Variants in CLEC2A observed in about 807,000 individuals in gnomAD.
CLEC2A encodes C-type lectin domain family 2 member A.
In CLEC2A, 19 loss-of-function variants were observed where a neutral mutation model predicts 18.6. That is an observed-to-expected ratio of 1.02 (90% confidence interval 0.71 to 1.50). CLEC2A has a LOEUF of 1.50. Ranked by LOEUF, CLEC2A falls within the 40% of genes most tolerant of loss-of-function variation. The pLI, the probability that CLEC2A is intolerant of heterozygous loss-of-function variation, is 0.00. For synonymous variants in CLEC2A, 74 were observed against 64.0 expected (o/e 1.16, Z -0.75); for missense variants, 190 against 207.9 (o/e 0.91, Z 0.53).
At chr12:9,902,584 C>A (rs7316203) in intron 4 of CLEC2A, among the ~76,000 whole-genome samples, 71,617 of 150,770 alleles carry the variant, frequency 0.48, 18,404 homozygotes, top group Non-Finnish European at 0.59. Context: ...GCAACCCGCT[C>A]GGGTCCCCTT....
Position 9,913,343 on chromosome 12 carries a change from G to T in CLEC2A, c.*223C>A. On this transcript the variant is annotated 3_prime_UTR_variant, in exon 5 of 5. Coordinates refer to ENST00000455827, the MANE Select transcript of CLEC2A (RefSeq NM_001130711.2). ...GAGGTGATTAGTTCATGAGGATGGA[G>T]CCATAGTAAATGTGATTGTGCCCTT... The T allele has an allele frequency of 1.7e-6, 1 of 605,632 alleles. No homozygotes were observed. The highest frequency in any genetic ancestry group is 2.6e-6 in the Non-Finnish European group (1 of 391,424). 37.5% of individuals were successfully genotyped at this position (605,632 alleles called of 1,614,324 possible). A position where few individuals can be genotyped will look rare whatever the true frequency, so the allele number is the denominator to read the frequency against.
At chr12:9,895,342 G>A (rs963598170), downstream of CLEC2A, among the ~76,000 whole-genome samples, 3 of 152,230 alleles carry the variant, frequency 2.0e-5, no homozygotes, top group Non-Finnish European at 4.4e-5. Flanking sequence ...AGATAAGGGA[G>A]AGATAATGGT....
downstream of CLEC2A, among the ~76,000 whole-genome samples, chr12:9,909,436 AG>A (rs1363975334): frequency 6.6e-6 from 1 of 152,220 alleles, no homozygotes; most frequent in African/African-American, 2.4e-5. Context: ...CCCTGAAAAC[AG>A]GATGCCCAGG....
chr12:9,902,613 G>A (rs1213407990), intron 4 of CLEC2A, among the ~76,000 whole-genome samples: 1 of 148,976 alleles, frequency 6.7e-6, no homozygotes, highest in Non-Finnish European at 1.5e-5. Flanking sequence ...TGGAAGCTTT[G>A]TTCTTTCGCT....
the CLEC2A span, among the ~76,000 whole-genome samples, chr12:9,890,858 T>C: frequency 6.6e-6 from 1 of 152,204 alleles, no homozygotes; most frequent in African/African-American, 2.4e-5. Flanking sequence ...ATGGGGTCAT[T>C]TTGGAATTCT....
the CLEC2A span, among the ~76,000 whole-genome samples, chr12:9,878,560 A>G: frequency 6.6e-6 from 1 of 152,238 alleles, no homozygotes; most frequent in Non-Finnish European, 1.5e-5. Flanking sequence ...TGGGAAAAAC[A>G]TTAAGATACA....
the CLEC2A span, among the ~76,000 whole-genome samples, chr12:9,886,333 TC>T: frequency 1.3e-5 from 2 of 151,434 alleles, no homozygotes; most frequent in East Asian, 3.9e-4. Context: ...CAATAATCTA[TC>T]CATAGAAGAA....
At chr12:9,878,170 GA>G in the CLEC2A span, among the ~76,000 whole-genome samples, 6 of 152,192 alleles carry the variant, frequency 3.9e-5, no homozygotes, top group East Asian at 1.9e-4. Flanking sequence ...ATGGGTGTGG[GA>G]AATTCTAAAT....
the CLEC2A span, among the ~76,000 whole-genome samples, chr12:9,891,547 T>G: frequency 6.6e-6 from 1 of 152,196 alleles, no homozygotes; most frequent in African/African-American, 2.4e-5. Flanking sequence ...CTAGTAATAG[T>G]TAATAAATAT....
At chr12:9,902,448 G>C (rs1424030659) in intron 4 of CLEC2A, among the ~76,000 whole-genome samples, 1 of 151,908 alleles carries the variant, frequency 6.6e-6, no homozygotes, top group Non-Finnish European at 1.5e-5. Flanking sequence ...GGCCAGGCTG[G>C]TCTTGAACTC....
chr12:9,908,448 C>T (rs1282780476), downstream of CLEC2A, among the ~76,000 whole-genome samples: 3 of 152,126 alleles, frequency 2.0e-5, no homozygotes, highest in African/African-American at 7.2e-5. Flanking sequence ...AATCCTTCTC[C>T]CTTTACCCCT....
At chr12:9,919,707 T>C (rs1863133019) in intron 3 of CLEC2A, among the ~76,000 whole-genome samples, 1 of 152,186 alleles carries the variant, frequency 6.6e-6, no homozygotes, top group Non-Finnish European at 1.5e-5. Flanking sequence ...TGCTGTGGTA[T>C]GCTGGTGGCC....
At chr12:9,913,046 T>C (rs1251871705), downstream of CLEC2A, among the ~76,000 whole-genome samples, 1 of 152,230 alleles carries the variant, frequency 6.6e-6, no homozygotes, top group African/African-American at 2.4e-5. Context: ...TTAAATTTTA[T>C]GAAGCATCCA....
Position 9,913,631 on chromosome 12 carries a change from C to A in CLEC2A, c.460G>T (p.Val154Phe), listed in dbSNP as rs1267412415. 11 of 1,549,940 alleles carry A rather than the reference C, an allele frequency of 7.1e-6. No individual in the cohort carries two copies. The African/African-American group carries it at 1.4e-4, about 19-fold the overall frequency. ...GSFAFLSADG[V>F]HSSRGFIDIK... The stretch of plus-strand genomic sequence containing the variant: ...TCAATAAATCCTCTGGAACTATGGA[C>A]TCCATCAGCACTCAAGAAAGCAAAG... Residue 154 changes from valine (V) to phenylalanine (F), a missense_variant, in exon 5 of 5, where the codon GTC becomes TTC. By Grantham distance (50) the Val-to-Phe change is conservative (BLOSUM62 -1). Coordinates refer to ENST00000455827, the MANE Select transcript of CLEC2A (RefSeq NM_001130711.2).
chr12:9,927,939 A>G (rs1863304389), intron 1 of CLEC2A, among the ~76,000 whole-genome samples: 1 of 152,192 alleles, frequency 6.6e-6, no homozygotes, highest in African/African-American at 2.4e-5. Flanking sequence ...GGGCAAAGCC[A>G]TGTCTTACAC....
chr12:9,920,098 G>A (rs1037380285), intron 3 of CLEC2A, among the ~76,000 whole-genome samples: 5 of 152,200 alleles, frequency 3.3e-5, no homozygotes, highest in African/African-American at 1.2e-4. Flanking sequence ...CTGTTTCAGG[G>A]AGGTGCAATG....
At position 9,927,039 on chromosome 12, in the gene CLEC2A, CTGTG is replaced by C. The variant is rs146343269; in HGVS notation, c.56-700_56-697del. Among the ~76,000 whole-genome samples the C allele has an allele frequency of 6.7e-4, 101 of 150,602 alleles. 1 individual carries two copies. Among genetic ancestry groups the C allele is most frequent in the African/African-American group, 2.3e-3 (94 of 41,208 alleles). On this transcript the variant is annotated intron_variant, in intron 1 of 4. Transcript: ENST00000455827. ...GAAGAATGTGCGTGTATGTGTGTGT[CTGTG>C]TGTGTGTGTGTACAGTCATGCATAG... is the stretch of plus-strand genomic sequence containing the variant.
At chr12:9,905,906 T>C (rs1159927545) in intron 4 of CLEC2A, among the ~76,000 whole-genome samples, 2 of 152,204 alleles carry the variant, frequency 1.3e-5, no homozygotes, top group African/African-American at 4.8e-5. Context: ...TACTAATAGG[T>C]ATTTCAGGCA....
Position 9,923,558 on chromosome 12 carries a change from C to G in CLEC2A, c.140-1326G>C, listed in dbSNP as rs140379838. 3.8e-3 allele frequency among the ~76,000 whole-genome samples: 579 copies of G among 152,182 alleles called. 11 individuals carry two copies. The East Asian group carries it at 0.049, about 13-fold the overall frequency. ...ATCTAGAACTAGAAATACCATTTGA[C>G]CCAGCCATTCCATTACTGGGTATAT... On this transcript the variant is annotated intron_variant, in intron 2 of 4. Transcript: ENST00000455827.
Sources: gnomAD v4.1 joint callset for allele counts (sites outside exome capture counted in the v4.1 genomes callset) on GRCh38, gnomAD v4.1.1 for gene constraint, MANE v1.5 for transcripts, NCBI Gene and HGNC (gene_info 2026-07-23, HGNC 2026-07-21) for gene names.